CSTPP1: variants seen among roughly 807,000 people sequenced by gnomAD.
CSTPP1 encodes the protein centriolar satellite-associated tubulin polyglutamylase complex regulator 1.
At chr11:47,041,134 T>C in the CSTPP1 span, 22 of 191,528 alleles carry the variant, frequency 1.1e-4, 5 homozygotes, top group Non-Finnish European at 2.5e-4. Context: ...AGTGCAAAAG[T>C]CTTTATAAGT....
the CSTPP1 span, chr11:46,987,471 C>T: frequency 3.5e-6 from 2 of 576,214 alleles, no homozygotes. Flanking sequence ...TGTTTTGGAG[C>T]ATGCCTTTGG....
At chr11:47,101,198 T>TTTTTTTTTTG in the CSTPP1 span, among the ~76,000 whole-genome samples, 5 of 138,520 alleles carry the variant, frequency 3.6e-5, no homozygotes, top group Non-Finnish European at 6.2e-5. Flanking sequence ...TTATTTTATT[T>TTTTTTTTTTG]TTAGTAGAGA....
At chr11:47,023,792 CTTCT>C in the CSTPP1 span, among the ~76,000 whole-genome samples, 1 of 152,092 alleles carries the variant, frequency 6.6e-6, no homozygotes, top group East Asian at 1.9e-4. Context: ...GATTTCCTTC[CTTCT>C]TAAGACTGAA....
the CSTPP1 span, among the ~76,000 whole-genome samples, chr11:47,014,602 C>T: frequency 6.6e-6 from 1 of 151,814 alleles, no homozygotes; most frequent in Non-Finnish European, 1.5e-5. Context: ...ATTCGGGAGG[C>T]TGAGGCAGGA....
the CSTPP1 span, among the ~76,000 whole-genome samples, chr11:47,011,879 A>C: frequency 6.6e-6 from 1 of 152,224 alleles, no homozygotes; most frequent in Non-Finnish European, 1.5e-5. Flanking sequence ...ATTAACATAC[A>C]TTTAACAAAT....
chr11:47,122,091 A>AAAAAAAAAAATATAT, the CSTPP1 span, among the ~76,000 whole-genome samples: 3 of 31,840 alleles, frequency 9.4e-5, no homozygotes, highest in African/African-American at 1.9e-4. Context: ...AAAAAAAAAA[A>AAAAAAAAAAATATAT]ATATATATAT....
the CSTPP1 span, among the ~76,000 whole-genome samples, chr11:46,941,059 C>T: frequency 6.6e-6 from 1 of 152,152 alleles, no homozygotes; most frequent in Non-Finnish European, 1.5e-5. Flanking sequence ...GTTGAAAAAG[C>T]TTCAATGTTT....
the CSTPP1 span, chr11:47,161,326 G>A: frequency 6.3e-7 from 1 of 1,587,768 alleles, no homozygotes; most frequent in Non-Finnish European, 8.5e-7. Context: ...GGCCAGTGGA[G>A]GCCTGAGGTG....
the CSTPP1 span, among the ~76,000 whole-genome samples, chr11:46,994,291 C>G: frequency 1.3e-5 from 2 of 152,122 alleles, no homozygotes; most frequent in Non-Finnish European, 2.9e-5. Flanking sequence ...CCTAATTGCC[C>G]TGGCCAGAAC....
chr11:47,000,546 TATG>T, the CSTPP1 span, among the ~76,000 whole-genome samples: 1 of 152,210 alleles, frequency 6.6e-6, no homozygotes, highest in Non-Finnish European at 1.5e-5. Context: ...GTGAAGTTTT[TATG>T]ATGACTGTTT....
the CSTPP1 span, among the ~76,000 whole-genome samples, chr11:47,086,768 G>A: frequency 6.6e-6 from 1 of 152,124 alleles, no homozygotes; most frequent in Non-Finnish European, 1.5e-5. Flanking sequence ...TAAATAATGT[G>A]TATAAAGTGC....
chr11:47,027,722 C>A, the CSTPP1 span, among the ~76,000 whole-genome samples: 3 of 152,150 alleles, frequency 2.0e-5, no homozygotes, highest in Non-Finnish European at 4.4e-5. Context: ...ACAATGGCAG[C>A]TCAGTTCTCA....
At chr11:46,955,846 G>A in the CSTPP1 span, among the ~76,000 whole-genome samples, 18 of 151,932 alleles carry the variant, frequency 1.2e-4, no homozygotes. Context: ...AAAAAAATTA[G>A]CTGGGCGCGG....
At chr11:46,954,391 A>C in the CSTPP1 span, among the ~76,000 whole-genome samples, 10 of 152,062 alleles carry the variant, frequency 6.6e-5, no homozygotes, top group African/African-American at 2.4e-4. Flanking sequence ...TCTACTAAAA[A>C]TACAAAATTT....
chr11:46,961,073 C>A, the CSTPP1 span, among the ~76,000 whole-genome samples: 1 of 151,976 alleles, frequency 6.6e-6, no homozygotes, highest in East Asian at 1.9e-4. Flanking sequence ...TTTTTCATTT[C>A]TTTTAAGCAT....
the CSTPP1 span, among the ~76,000 whole-genome samples, chr11:47,005,395 T>C: frequency 6.6e-6 from 1 of 152,202 alleles, no homozygotes; most frequent in Non-Finnish European, 1.5e-5. Context: ...CTGTAAGATG[T>C]AATCTGGTTA....
At chr11:47,049,837 C>T in the CSTPP1 span, among the ~76,000 whole-genome samples, 1 of 151,682 alleles carries the variant, frequency 6.6e-6, no homozygotes, top group Admixed American at 6.6e-5. Context: ...TTGTCTATAG[C>T]TTCCAAACTA....
At chr11:47,130,521 CTCT>C in the CSTPP1 span, among the ~76,000 whole-genome samples, 1 of 152,206 alleles carries the variant, frequency 6.6e-6, no homozygotes, top group Admixed American at 6.5e-5. Context: ...ACACAGCCTT[CTCT>C]TCTTCTGGGG....
At chr11:47,144,379 G>A in the CSTPP1 span, among the ~76,000 whole-genome samples, 66 of 151,910 alleles carry the variant, frequency 4.3e-4, no homozygotes, top group Admixed American at 6.6e-4. Context: ...TAGTAGAGAC[G>A]GGGTTTCACC....
Sources: allele counts gnomAD v4.1 joint callset (sites outside exome capture counted in the v4.1 genomes callset), GRCh38; gene constraint gnomAD v4.1.1; transcripts MANE v1.5; gene names NCBI Gene and HGNC (gene_info 2026-07-23, HGNC 2026-07-21).